The following EPHA4 variants were observed in gnomAD, a reference collection of about 807,000 sequenced individuals.
EPHA4 encodes EPH receptor A4, also known as ephrin type-A receptor 4.
A neutral mutation model predicts 108.3 loss-of-function variants in EPHA4; 19 were observed. That is an observed-to-expected ratio of 0.18 (90% confidence interval 0.12 to 0.26). The LOEUF is 0.26. Among genes scored for constraint, EPHA4 ranks in the 10% least tolerant of loss-of-function variants. EPHA4 has a pLI of 1.00. For missense variants in EPHA4, 917 were observed against 1,254.0 expected (o/e 0.73, Z 4.06); for synonymous variants, 449 against 455.5 (o/e 0.99, Z 0.18).
rs75624737 is a variant in EPHA4 at position 221,453,636 on chromosome 2, T to A, written c.1715+1911A>T. 1.7e-3 allele frequency among the ~76,000 whole-genome samples: 262 copies of A among 152,344 alleles called. 1 individual carries two copies. Among genetic ancestry groups the A allele is most frequent in the African/African-American group, 6.0e-3 (250 of 41,592 alleles). On this transcript the variant is annotated intron_variant, in intron 8 of 17. Transcript: ENST00000281821. ...TATAGAGGGCATGCCAATGTCTATA[T>A]GTTTTTGTATGTGTGTGTATTAAAG... is the stretch of plus-strand genomic sequence containing the variant.
intron 5 of EPHA4, among the ~76,000 whole-genome samples, chr2:221,466,061 G>A (rs894578978): frequency 2.0e-5 from 3 of 152,170 alleles, no homozygotes; most frequent in African/African-American, 2.4e-5. Context: ...ACTGGAATGC[G>A]CTGCCCTGAG....
intron 9 of EPHA4, among the ~76,000 whole-genome samples, chr2:221,444,432 G>A (rs1190836205): frequency 6.6e-6 from 1 of 151,122 alleles, no homozygotes; most frequent in Admixed American, 6.6e-5. Flanking sequence ...GGGGCACAGA[G>A]GGTATGAAGG....
intron 3 of EPHA4, among the ~76,000 whole-genome samples, chr2:221,544,963 T>G (rs935597744): frequency 6.6e-6 from 1 of 152,130 alleles, no homozygotes; most frequent in Non-Finnish European, 1.5e-5. Flanking sequence ...TGATGAACCC[T>G]TGATCATGAG....
rs1322783058 is a variant in EPHA4 at position 221,547,532 on chromosome 2, G to T, written c.823+16199C>A. ...TGCCCAGTAATATACTCTTTGACAA[G>T]GTCTCCAGCCTTGCAGCTGCATTTT... On this transcript the variant is annotated intron_variant, in intron 3 of 17. Coordinates refer to ENST00000281821, the MANE Select transcript of EPHA4 (RefSeq NM_004438.5). Among the ~76,000 whole-genome samples, 6 of 152,138 alleles carry T rather than the reference G, an allele frequency of 3.9e-5. 1 individual carries two copies. Among genetic ancestry groups the T allele is most frequent in the Non-Finnish European group, 8.8e-5 (6 of 68,032 alleles).
intron 2 of EPHA4, among the ~76,000 whole-genome samples, chr2:221,566,872 A>AAGG (rs1694657119): frequency 2.4e-5 from 1 of 41,600 alleles, no homozygotes; most frequent in Non-Finnish European, 4.6e-5. Context: ...GAAGAAGAAG[A>AAGG]AGAAGGAGAA....
intron 3 of EPHA4, among the ~76,000 whole-genome samples, chr2:221,546,216 G>T (rs973694868): frequency 1.3e-5 from 2 of 152,160 alleles, no homozygotes; most frequent in African/African-American, 4.8e-5. Flanking sequence ...AGTGATTGTG[G>T]TGAGGGAACA....
At chr2:221,499,735 T>C (rs1403475812) in intron 4 of EPHA4, among the ~76,000 whole-genome samples, 4 of 49,434 alleles carry the variant, frequency 8.1e-5, no homozygotes, top group African/African-American at 4.5e-4. Context: ...TATATATATA[T>C]ATATATATAT....
intron 4 of EPHA4, among the ~76,000 whole-genome samples, chr2:221,489,492 C>T (rs1292540838): frequency 6.6e-6 from 1 of 152,132 alleles, no homozygotes; most frequent in African/African-American, 2.4e-5. Flanking sequence ...ATTCTCACTC[C>T]CGGCCCTTTG....
intron 3 of EPHA4, among the ~76,000 whole-genome samples, chr2:221,524,916 C>A (rs142377884): frequency 2.4e-4 from 37 of 152,224 alleles, no homozygotes; most frequent in African/African-American, 8.7e-4. Flanking sequence ...TTCCAAGTAA[C>A]AATTATATTT....
chr2:221,444,030 C>A (rs1233442191), intron 9 of EPHA4, among the ~76,000 whole-genome samples: 1 of 152,216 alleles, frequency 6.6e-6, no homozygotes, highest in Non-Finnish European at 1.5e-5. Flanking sequence ...CACATGGTGT[C>A]ACATTTTGCC....
chr2:221,423,118 G>A (rs775806995), intron 17 of EPHA4, among the ~76,000 whole-genome samples: 2 of 152,206 alleles, frequency 1.3e-5, no homozygotes, highest in Non-Finnish European at 2.9e-5. Context: ...GTTGGAGGAA[G>A]AAGCGTACCT....
intron 17 of EPHA4, among the ~76,000 whole-genome samples, chr2:221,422,911 C>T (rs2106085260): frequency 6.6e-6 from 1 of 152,292 alleles, no homozygotes; most frequent in East Asian, 1.9e-4. Context: ...CATGTTTATC[C>T]TGCCAGCATA....
At chr2:221,520,695 T>A (rs1693139073) in intron 3 of EPHA4, among the ~76,000 whole-genome samples, 1 of 152,184 alleles carries the variant, frequency 6.6e-6, no homozygotes, top group Non-Finnish European at 1.5e-5. Context: ...TCAATTTTAC[T>A]TTCTCTTCCC....
chr2:221,465,281 G>A (rs7603161), intron 5 of EPHA4, among the ~76,000 whole-genome samples: 7,304 of 152,110 alleles, frequency 0.048, 624 homozygotes, highest in African/African-American at 0.17. Flanking sequence ...TTTACTTTTG[G>A]TTTAATAGAA....
chr2:221,569,699 G>A (rs748429706), intron 1 of EPHA4, among the ~76,000 whole-genome samples: 11 of 151,504 alleles, frequency 7.3e-5, no homozygotes, highest in Non-Finnish European at 1.0e-4. Context: ...CACCTCAAAG[G>A]AACCACTGGG....
At chr2:221,511,711 GAAAC>G (rs1251283708) in intron 3 of EPHA4, among the ~76,000 whole-genome samples, 3 of 152,162 alleles carry the variant, frequency 2.0e-5, no homozygotes, top group East Asian at 3.8e-4. Flanking sequence ...AGCATTGTTA[GAAAC>G]AAACAAATAT....
At chr2:221,502,553 A>G (rs994418206) in intron 3 of EPHA4, 1 of 471,276 alleles carries the variant, frequency 2.1e-6, no homozygotes, top group Non-Finnish European at 4.4e-6. Flanking sequence ...AAAGAGATCC[A>G]TGAAACTGCT....
intron 3 of EPHA4, among the ~76,000 whole-genome samples, chr2:221,502,197 C>T (rs886406104): frequency 1.3e-5 from 2 of 152,082 alleles, no homozygotes; most frequent in Non-Finnish European, 2.9e-5. Context: ...ACTTGCTCCC[C>T]ACTCTTTTTC....
intron 3 of EPHA4, among the ~76,000 whole-genome samples, chr2:221,503,552 T>C (rs766915545): frequency 6.6e-6 from 1 of 152,266 alleles, no homozygotes; most frequent in African/African-American, 2.4e-5. Flanking sequence ...CATTTTTTCC[T>C]ATTTTTCCTC....
Sources: allele counts gnomAD v4.1 joint callset (sites outside exome capture counted in the v4.1 genomes callset), GRCh38; gene constraint gnomAD v4.1.1; transcripts MANE v1.5; gene names NCBI Gene and HGNC (gene_info 2026-07-23, HGNC 2026-07-21).